Variants in CFAP54 observed in about 807,000 individuals in gnomAD.
CFAP54 encodes cilia and flagella associated protein 54, also known as cilia- and flagella-associated protein 54.
A neutral mutation model predicts 370.4 loss-of-function variants in CFAP54; 290 were observed. That is an observed-to-expected ratio of 0.78 (90% CI 0.71 to 0.86). The LOEUF (loss-of-function observed/expected upper bound fraction) is 0.86, where lower values mean the gene tolerates loss of function less well. Among genes scored for constraint, CFAP54 ranks in the 40% least tolerant of loss-of-function variants. The pLI, the probability that CFAP54 is intolerant of heterozygous loss-of-function variation, is 0.00. For missense variants in CFAP54, 3,399 were observed against 3,528.7 expected (o/e 0.96, Z 0.93); for synonymous variants, 1,206 against 1,236.5 (o/e 0.98, Z 0.52).
intron 48 of CFAP54, among the ~76,000 whole-genome samples, chr12:96,713,273 G>A (rs1261082577): frequency 2.0e-5 from 3 of 152,116 alleles, no homozygotes; most frequent in African/African-American, 7.2e-5. Context: ...CCAAGATATG[G>A]AATCAACCTA....
At chr12:96,612,165 G>A (rs190189640) in intron 26 of CFAP54, among the ~76,000 whole-genome samples, 6 of 152,348 alleles carry the variant, frequency 3.9e-5, no homozygotes, top group East Asian at 1.9e-4. Flanking sequence ...ACAAAGGGAA[G>A]CCCATCAGAC....
rs146523157 is a variant in CFAP54 at position 96,663,894 on chromosome 12, G to A, written c.5525G>A (p.Ser1842Asn). ...AATTCTTCAACCATTGAAGCAACAA[G>A]CAACTGCACAGATTTGCTAAAAATG... ...KINSSTIEAT[S>N]NCTDLLKMLI... The change falls in exon 39 of 68, where the codon AGC becomes AAC. Residue 1842 changes from serine to asparagine, a missense_variant. Ser to Asn is a conservative substitution (Grantham distance 46). Coordinates refer to ENST00000524981, the MANE Select transcript of CFAP54 (RefSeq NM_001306084.2). The A allele has an allele frequency of 1.3e-4, 209 of 1,613,128 alleles. No individual in the cohort carries two copies. Among genetic ancestry groups the A allele is most frequent in the East Asian group, 4.7e-4 (21 of 44,816 alleles).
In CFAP54 at chr12:96,745,038, C is replaced by T. The variant is rs948854889; in HGVS notation, c.7684+892C>T. Among the ~76,000 whole-genome samples the T allele has an allele frequency of 2.6e-5, 4 of 152,190 alleles. No individual in the cohort carries two copies. In the East Asian group the frequency reaches 5.8e-4, roughly 22 times the overall value. On this transcript the variant is annotated intron_variant, in intron 55 of 67. Transcript: ENST00000524981. ...ATGATCTCGTTCCTTTTTATGGCTG[C>T]ATAATATTCCATGGTGTATATGTAC...
chr12:96,557,166 T>G (rs1955762744), intron 17 of CFAP54, among the ~76,000 whole-genome samples: 1 of 152,190 alleles, frequency 6.6e-6, no homozygotes, highest in African/African-American at 2.4e-5. Flanking sequence ...ACCTGCATTC[T>G]TTGGCTCATG....
At chr12:96,817,274 A>G (rs1958985370) in intron 64 of CFAP54, among the ~76,000 whole-genome samples, 1 of 152,014 alleles carries the variant, frequency 6.6e-6, no homozygotes, top group Admixed American at 6.6e-5. Flanking sequence ...GACCATAAAC[A>G]TAATGAAAGT....
At chr12:96,844,350 T>C (rs1344048170) in intron 66 of CFAP54, among the ~76,000 whole-genome samples, 2 of 152,058 alleles carry the variant, frequency 1.3e-5, no homozygotes, top group Non-Finnish European at 2.9e-5. Flanking sequence ...ACAGGAGTGA[T>C]GAGCCATGAA....
intron 3 of CFAP54, among the ~76,000 whole-genome samples, chr12:96,506,451 A>C (rs1402270061): frequency 6.6e-6 from 1 of 151,992 alleles, no homozygotes; most frequent in Non-Finnish European, 1.5e-5. Context: ...GGATGTTTTA[A>C]AGAAACCTAT....
intron 26 of CFAP54, among the ~76,000 whole-genome samples, chr12:96,607,873 C>T (rs144785188): frequency 6.0e-4 from 91 of 151,342 alleles, no homozygotes; most frequent in African/African-American, 2.0e-3. Context: ...GGAAAAAGAC[C>T]GAGGTCCAAA....
Position 96,727,911 on chromosome 12 carries a change from G to T in CFAP54, c.6965+7346G>T, listed in dbSNP as rs1422528254. ...TCTCAGCATTTGCTTGTCTGTAAAG[G>T]ATTTTATTTCTCCTTCACTTATGAA... On this transcript the variant is annotated intron_variant, in intron 50 of 67. Coordinates refer to ENST00000524981, the MANE Select transcript of CFAP54 (RefSeq NM_001306084.2). Among the ~76,000 whole-genome samples, 884 of 150,306 alleles carry T rather than the reference G, an allele frequency of 5.9e-3. 6 individuals carry two copies. Among genetic ancestry groups the T allele is most frequent in the African/African-American group, 0.021 (834 of 40,606 alleles).
chr12:96,549,039 G>A (rs1221444124), intron 15 of CFAP54, among the ~76,000 whole-genome samples: 1 of 152,012 alleles, frequency 6.6e-6, no homozygotes, highest in Non-Finnish European at 1.5e-5. Flanking sequence ...TATTTTTAGT[G>A]GAGGTGGGGT....
chr12:96,804,651 G>A (rs1390523329), intron 63 of CFAP54, among the ~76,000 whole-genome samples: 1 of 151,958 alleles, frequency 6.6e-6, no homozygotes, highest in Non-Finnish European at 1.5e-5. Context: ...CCATCTTCAT[G>A]GTTTGCGAGC....
chr12:96,734,372 G>A (rs184192377), intron 50 of CFAP54, among the ~76,000 whole-genome samples: 31 of 152,186 alleles, frequency 2.0e-4, no homozygotes, highest in African/African-American at 6.5e-4. Flanking sequence ...TCAGTTCCAC[G>A]AGGGCAGGGA....
rs935262218 is a variant in CFAP54 at position 96,708,703 on chromosome 12, C to A, written c.6624C>A (p.Tyr2208Ter). 1 of 1,612,064 alleles carries A rather than the reference C, an allele frequency of 6.2e-7. No individual in the cohort carries two copies. Among genetic ancestry groups the A allele is most frequent in the African/African-American group, 1.3e-5 (1 of 74,838 alleles). Residue 2208 changes from tyrosine to a stop codon, truncating the protein, a stop_gained, in exon 48 of 68, where the codon TAC (tyrosine) becomes TAA (stop). Transcript: ENST00000524981. LOFTEE classifies it high-confidence loss of function. The stretch of plus-strand genomic sequence containing the variant: ...ATAAGTTTAATTTTGTTAAAGCATA[C>A]TTTTTCCTAAGTGTGGCTGCGACAA... ...LLNKFNFVKA[Y>*]FFLSVAATIN... is the part of the protein sequence containing the mutation.
chr12:96,547,527 A>G (rs1395891601), intron 14 of CFAP54, among the ~76,000 whole-genome samples: 1 of 152,144 alleles, frequency 6.6e-6, no homozygotes, highest in African/African-American at 2.4e-5. Flanking sequence ...ATAGAGAAAG[A>G]TGATATTGAC....
intron 32 of CFAP54, among the ~76,000 whole-genome samples, chr12:96,638,683 G>A (rs544165461): frequency 3.3e-5 from 5 of 152,064 alleles, no homozygotes; most frequent in Admixed American, 6.5e-5. Flanking sequence ...TGAAGCTACC[G>A]GAAATGATTC....
chr12:96,654,531 G>GAGAAA (rs1956899608), intron 36 of CFAP54, among the ~76,000 whole-genome samples: 1 of 151,786 alleles, frequency 6.6e-6, no homozygotes, highest in African/African-American at 2.4e-5. Context: ...TGGGGTACAT[G>GAGAAA]AGAAAATTTG....
intron 55 of CFAP54, among the ~76,000 whole-genome samples, chr12:96,751,904 G>A (rs1170931312): frequency 6.6e-6 from 1 of 152,026 alleles, no homozygotes; most frequent in Non-Finnish European, 1.5e-5. Context: ...AGCTTTGTAG[G>A]TGTCAGCTGT....
intron 36 of CFAP54, among the ~76,000 whole-genome samples, chr12:96,652,120 G>T (rs1241346549): frequency 6.6e-6 from 1 of 152,162 alleles, no homozygotes; most frequent in Non-Finnish European, 1.5e-5. Flanking sequence ...TAAAGAAATA[G>T]ATTCCAAGGA....
At chr12:96,669,218 T>A (rs1957115840) in intron 39 of CFAP54, among the ~76,000 whole-genome samples, 1 of 152,190 alleles carries the variant, frequency 6.6e-6, no homozygotes, top group African/African-American at 2.4e-5. Context: ...AGAAATTAGA[T>A]AATAAACTCT....
Sources: gnomAD v4.1 joint callset for allele counts (sites outside exome capture counted in the v4.1 genomes callset) on GRCh38, gnomAD v4.1.1 for gene constraint, MANE v1.5 for transcripts, NCBI Gene and HGNC (gene_info 2026-07-23, HGNC 2026-07-21) for gene names.